Variants in ETV6 observed in about 807,000 individuals in gnomAD.
The protein encoded by ETV6 is ETS variant transcription factor 6, also known as transcription factor ETV6.
In ETV6, 16 loss-of-function variants were observed where a neutral mutation model predicts 51.1. The observed-to-expected ratio is 0.31, with a 90% CI of 0.21 to 0.48. The LOEUF is 0.48. ETV6 is among the 20% of genes least tolerant of loss of function. The pLI is 0.99. For synonymous variants in ETV6, 240 were observed against 224.1 expected, an observed-to-expected ratio of 1.07 and a Z score of -0.64; for missense variants, 458 against 594.8, an observed-to-expected ratio of 0.77 and a Z score of 2.39.
intron 2 of ETV6, among the ~76,000 whole-genome samples, chr12:11,803,601 AT>A (rs1810795135): frequency 1.3e-5 from 2 of 152,214 alleles, no homozygotes; most frequent in Admixed American, 1.3e-4. Context: ...TAGGAAAAAT[AT>A]TTTGTAAAAA....
chr12:11,726,177 G>A (rs1441183591), intron 1 of ETV6, among the ~76,000 whole-genome samples: 1 of 152,186 alleles, frequency 6.6e-6, no homozygotes, highest in Non-Finnish European at 1.5e-5. Flanking sequence ...CAAATGAATG[G>A]ATAACTTGGC....
chr12:11,710,835 T>C (rs1220665330), intron 1 of ETV6, among the ~76,000 whole-genome samples: 1 of 152,164 alleles, frequency 6.6e-6, no homozygotes. Flanking sequence ...GTAGGGTACC[T>C]CTAGGACATG....
intron 5 of ETV6, among the ~76,000 whole-genome samples, chr12:11,880,032 T>TAAAAAAAAAAAA (rs59152213): frequency 8.5e-6 from 1 of 117,858 alleles, no homozygotes. Context: ...GTCAATTGTT[T>TAAAAAAAAAAAA]AAAAAAAAAA....
intron 2 of ETV6, among the ~76,000 whole-genome samples, chr12:11,809,331 A>G (rs1227738334): frequency 6.6e-6 from 1 of 152,184 alleles, no homozygotes; most frequent in East Asian, 1.9e-4. Flanking sequence ...GACAAGAGGA[A>G]AAAAGGAGAT....
intron 2 of ETV6, among the ~76,000 whole-genome samples, chr12:11,771,673 C>T (rs1945242919): frequency 6.6e-6 from 1 of 152,190 alleles, no homozygotes; most frequent in Admixed American, 6.5e-5. Flanking sequence ...TCCACACTCC[C>T]CTTCCCTGTA....
intron 4 of ETV6, among the ~76,000 whole-genome samples, chr12:11,861,150 T>G (rs925572435): frequency 1.3e-5 from 2 of 152,140 alleles, no homozygotes; most frequent in Non-Finnish European, 2.9e-5. Context: ...AGATTAACCT[T>G]TTTGCAGCCC....
rs1189641993 is a variant in ETV6, at chr12:11,842,094, AAAAAG to A, written c.328+2793_328+2797del. Among the ~76,000 whole-genome samples the A allele has an allele frequency of 9.6e-3, 1,459 of 151,728 alleles. 22 individuals carry two copies. The highest frequency in any genetic ancestry group is 0.033 in the African/African-American group (1,352 of 41,250). Reference sequence around the variant, plus strand: ...GAGACTCCGTCTCAAAAAAAAAAAAAAAAAGAAGAAGAAGGAGATGTAGGCTGGTG... The same window carrying A: ...GAGACTCCGTCTCAAAAAAAAAAAAAAAGAAGAAGGAGATGTAGGCTGGTG... On this transcript the variant is annotated intron_variant, in intron 3 of 7. Coordinates refer to ENST00000396373, the MANE Select transcript of ETV6 (RefSeq NM_001987.5).
intron 1 of ETV6, among the ~76,000 whole-genome samples, chr12:11,653,427 C>T (rs1863943636): frequency 6.6e-6 from 1 of 152,164 alleles, no homozygotes; most frequent in African/African-American, 2.4e-5. Flanking sequence ...TCCCTGCTGT[C>T]CGTATCAGTC....
intron 2 of ETV6, among the ~76,000 whole-genome samples, chr12:11,805,721 G>C (rs762947435): frequency 6.6e-6 from 1 of 152,224 alleles, no homozygotes; most frequent in Non-Finnish European, 1.5e-5. Context: ...CTGTGGAAAA[G>C]CAGAGTGACA....
intron 2 of ETV6, among the ~76,000 whole-genome samples, chr12:11,818,458 G>A (rs531352422): frequency 6.6e-6 from 1 of 152,010 alleles, no homozygotes; most frequent in Admixed American, 6.5e-5. Flanking sequence ...AACCTGGGAG[G>A]CGGAGGTTGC....
chr12:11,766,651 G>A (rs1437632160), intron 2 of ETV6, among the ~76,000 whole-genome samples: 1 of 152,154 alleles, frequency 6.6e-6, no homozygotes, highest in Non-Finnish European at 1.5e-5. Context: ...TCCCTGACCT[G>A]CGTGGAGGCC....
chr12:11,861,758 G>C (rs78030563), intron 4 of ETV6, among the ~76,000 whole-genome samples: 1 of 152,234 alleles, frequency 6.6e-6, no homozygotes, highest in African/African-American at 2.4e-5. Flanking sequence ...CTCAGTTAAG[G>C]GGTCATCTTG....
At position 11,893,568 on chromosome 12, in the gene ETV6, A is replaced by G. The variant is rs1947331114; in HGVS notation, c.*2522A>G. The G allele has an allele frequency of 4.3e-6, 1 of 231,164 alleles. No individual in the cohort carries two copies. The highest frequency in any genetic ancestry group is 8.6e-6 in the Non-Finnish European group (1 of 116,892). 14.3% of individuals were successfully genotyped at this position (231,164 alleles called of 1,614,324 possible). ...TAATCTGAACAGTTAAAACCCCCAA[A>G]TGCCCCAAAATCCAAACCTTCCTGA... On this transcript the variant is annotated 3_prime_UTR_variant, in exon 8 of 8. Transcript: ENST00000396373.
chr12:11,887,749 G>GAAAAA (rs58685356), intron 7 of ETV6, among the ~76,000 whole-genome samples: 3 of 97,386 alleles, frequency 3.1e-5, no homozygotes, highest in Non-Finnish European at 4.8e-5. Context: ...TCCATCTCAA[G>GAAAAA]AAAAAAAAAA....
chr12:11,767,886 A>G (rs1317549263), intron 2 of ETV6, among the ~76,000 whole-genome samples: 1 of 152,208 alleles, frequency 6.6e-6, no homozygotes, highest in Admixed American at 6.5e-5. Flanking sequence ...ATCTATAGCA[A>G]CTTGTTTTGA....
rs1292327764 is a variant in ETV6, at chr12:11,891,162, G to A, written c.*116G>A. On this transcript the variant is annotated 3_prime_UTR_variant, in exon 8 of 8. Transcript: ENST00000396373. ...GGAGAGTGGAAAAGGAAGCGACCCA[G>A]AAATGGCAGGGACACTTCTCTTGCA... is the stretch of plus-strand genomic sequence containing the variant. The A allele has an allele frequency of 1.3e-6, 1 of 751,966 alleles. No homozygotes were observed. The highest frequency in any genetic ancestry group is 2.2e-6 in the Non-Finnish European group (1 of 445,418). 46.6% of individuals were successfully genotyped at this position (751,966 alleles called of 1,614,324 possible).
chr12:11,748,337 A>G (rs376819619), intron 1 of ETV6, among the ~76,000 whole-genome samples: 2 of 152,272 alleles, frequency 1.3e-5, no homozygotes, highest in East Asian at 1.9e-4. Flanking sequence ...AAAAGTTTCT[A>G]TATCAAGGAC....
At chr12:11,669,091 A>T (rs777718750) in intron 1 of ETV6, among the ~76,000 whole-genome samples, 1 of 152,210 alleles carries the variant, frequency 6.6e-6, no homozygotes, top group African/African-American at 2.4e-5. Context: ...AGTTTTCCTT[A>T]AACTTGCTTC....
At chr12:11,890,324 A>G (rs1289124132) in intron 7 of ETV6, among the ~76,000 whole-genome samples, 1 of 152,112 alleles carries the variant, frequency 6.6e-6, no homozygotes, top group Non-Finnish European at 1.5e-5. Flanking sequence ...CTGTAAAAGA[A>G]AGAACATATA....
Sources: allele counts gnomAD v4.1 joint callset (sites outside exome capture counted in the v4.1 genomes callset), GRCh38; gene constraint gnomAD v4.1.1; transcripts MANE v1.5; gene names NCBI Gene and HGNC (gene_info 2026-07-23, HGNC 2026-07-21).